Variants in TIGD4 observed in about 807,000 individuals in gnomAD.
The protein encoded by TIGD4 is tigger transposable element-derived protein 4.
TIGD4 carries 20 observed loss-of-function variants against 24.9 expected under a neutral mutation model. That is an observed-to-expected ratio of 0.80 (90% CI 0.56 to 1.17). TIGD4 has a LOEUF of 1.17. TIGD4 is among the 50% of genes most tolerant of loss of function. The probability of loss-of-function intolerance (pLI) is 0.00; values close to 1 mark genes in which losing one functional copy is unlikely to be tolerated. For missense variants in TIGD4, 566 were observed against 591.0 expected, an observed-to-expected ratio of 0.96 and a Z score of 0.44; for synonymous variants, 193 against 211.0, an observed-to-expected ratio of 0.91 and a Z score of 0.74.
At position 152,771,149 on chromosome 4, in the gene TIGD4, G is replaced by A. The variant is rs371678764; in HGVS notation, c.-145C>T. Reference sequence around the variant, plus strand: ...AGTTGGTGTCTAATAGTCTTATTTTGTAGGAACTTGATGACAAAATATGCT... The same window carrying A: ...AGTTGGTGTCTAATAGTCTTATTTTATAGGAACTTGATGACAAAATATGCT... On this transcript the variant is annotated 5_prime_UTR_variant, in exon 2 of 2. Coordinates refer to ENST00000304337, the MANE Select transcript of TIGD4 (RefSeq NM_145720.4). 4.2e-6 allele frequency: 4 copies of A among 943,440 alleles called. No homozygotes were observed. In the African/African-American group the frequency reaches 5.2e-5, roughly 12 times the overall value. 58.4% of individuals were successfully genotyped at this position (943,440 alleles called of 1,614,324 possible).
At position 152,769,409 on chromosome 4, in the gene TIGD4, C is replaced by T; in HGVS notation, c.*57G>A. ...GGTGTGGTACAACTCCTTTACATAC[C>T]TTATATAATAAAATGTATCAGGAAA... On this transcript the variant is annotated 3_prime_UTR_variant, in exon 2 of 2. Coordinates refer to ENST00000304337, the MANE Select transcript of TIGD4 (RefSeq NM_145720.4). The T allele has an allele frequency of 8.0e-7, 1 of 1,250,678 alleles. No individual in the cohort carries two copies. Among genetic ancestry groups the T allele is most frequent in the Non-Finnish European group, 1.1e-6 (1 of 918,964 alleles). 77.5% of individuals were successfully genotyped at this position (1,250,678 alleles called of 1,614,324 possible).
At position 152,771,080 on chromosome 4, in the gene TIGD4, G is replaced by A; in HGVS notation, c.-76C>T. Reference sequence around the variant, plus strand: ...TTTCTTTAATTAAATTTGTTTTCCAGTATAATATAGATTGCTGCTTTCTAT... The same window carrying A: ...TTTCTTTAATTAAATTTGTTTTCCAATATAATATAGATTGCTGCTTTCTAT... On this transcript the variant is annotated 5_prime_UTR_variant, in exon 2 of 2. Transcript: ENST00000304337. The A allele has an allele frequency of 6.8e-7, 1 of 1,474,358 alleles. No individual in the cohort carries two copies. Among genetic ancestry groups the A allele is most frequent in the Non-Finnish European group, 9.0e-7 (1 of 1,113,394 alleles). The allele number at this position is 1,474,358 out of a possible 1,614,324, so 91.3% of individuals were successfully genotyped here.
Position 152,770,788 on chromosome 4 carries a change from CAAATCTTA to C in TIGD4, c.209_216del (p.Leu70ArgfsTer34). The C allele has an allele frequency of 6.2e-7, 1 of 1,611,256 alleles. No homozygotes were observed. The highest frequency in any genetic ancestry group is 2.2e-5 in the East Asian group (1 of 44,868). On this transcript the variant is annotated frameshift_variant, in exon 2 of 2. Coordinates refer to ENST00000304337, the MANE Select transcript of TIGD4 (RefSeq NM_145720.4). LOFTEE classifies it high-confidence loss of function. Reference sequence around the variant, plus strand: ...GTTCTCAGTCTTTTTCTCTTTGGATCAAATCTTAGAGATTCAAAGGCTTCTAGAACTTT... The same window carrying C: ...GTTCTCAGTCTTTTTCTCTTTGGATCGAGATTCAAAGGCTTCTAGAACTTT...
chr4:152,777,682 A>C (rs899190247), intron 1 of TIGD4, among the ~76,000 whole-genome samples: 1 of 151,520 alleles, frequency 6.6e-6, no homozygotes, highest in Non-Finnish European at 1.5e-5. Flanking sequence ...AAAAAGAGGA[A>C]GGAGGGAAAA....
At position 152,776,369 on chromosome 4, in the gene TIGD4, C is replaced by T. The variant is rs536346529; in HGVS notation, c.-539+3113G>A. Among the ~76,000 whole-genome samples the T allele has an allele frequency of 3.9e-5, 6 of 152,188 alleles. No homozygotes were observed. The East Asian group carries it at 1.2e-3, about 29-fold the overall frequency. On this transcript the variant is annotated intron_variant, in intron 1 of 1. Coordinates refer to ENST00000304337, the MANE Select transcript of TIGD4 (RefSeq NM_145720.4). ...TATAGTTAAAAACATTTTTACAACT[C>T]TAATGTTCTACCTTTTTTTTCTTCC... is the stretch of plus-strand genomic sequence containing the variant.
In TIGD4 at chr4:152,770,540, T is replaced by C. The variant is rs1730150591; in HGVS notation, c.465A>G (p.Pro155=). The C allele has an allele frequency of 1.3e-5, 21 of 1,613,026 alleles. No homozygotes were observed. Among genetic ancestry groups the C allele is most frequent in the Non-Finnish European group, 1.8e-5 (21 of 1,179,504 alleles). ...GGTACCAGACAGTCGAAGGGTCTACTGGTACACCTGTAGCTTCTACAGGTT... is the reference window on the plus strand; with the variant it reads ...GGTACCAGACAGTCGAAGGGTCTACCGGTACACCTGTAGCTTCTACAGGTT... ...RAQPVEATGV[P]VDPSTVWYQN... is the part of the protein sequence containing the mutation. Residue 155 remains proline (P), a synonymous_variant, in exon 2 of 2, where the codon CCA becomes CCG. Coordinates refer to ENST00000304337, the MANE Select transcript of TIGD4 (RefSeq NM_145720.4).
At chr4:152,772,366 G>A (rs796966917) in intron 1 of TIGD4, among the ~76,000 whole-genome samples, 20 of 151,912 alleles carry the variant, frequency 1.3e-4, no homozygotes, top group African/African-American at 4.8e-4. Flanking sequence ...AAGGTGCCAG[G>A]CAGTTCTGAA....
At position 152,770,114 on chromosome 4, in the gene TIGD4, C is replaced by A. The variant is rs750543985; in HGVS notation, c.891G>T (p.Lys297Asn). The A allele has an allele frequency of 2.5e-6, 4 of 1,614,038 alleles. No homozygotes were observed. In the East Asian group the frequency reaches 8.9e-5, roughly 36 times the overall value. ...VESFPAHPEV[K>N]NLKSIELAFF... ...ATGCTAACTCAATGGATTTTAGGTTCTTTACCTCTGGATGTGCTGGAAAAG... is the reference window on the plus strand; with the variant it reads ...ATGCTAACTCAATGGATTTTAGGTTATTTACCTCTGGATGTGCTGGAAAAG... Residue 297 changes from lysine to asparagine, a missense_variant, in exon 2 of 2, where the codon AAG becomes AAT. Transcript: ENST00000304337.
chr4:152,770,478 G>A lies in TIGD4; in HGVS notation c.527C>T (p.Pro176Leu). The change falls in exon 2 of 2, where the codon CCT (proline) becomes CTT (leucine). Residue 176 changes from proline (P) to leucine (L), a missense_variant. Transcript: ENST00000304337. ...CTCTTTTATATTAAAAACATTTTTAGGATGATAATCATTTAAATAATAAGG... is the reference window on the plus strand; with the variant it reads ...CTCTTTTATATTAAAAACATTTTTAAGATGATAATCATTTAAATAATAAGG... Reference protein sequence around the residue: ...VLPYYLNDYHPKNVFNIKETG... With the variant: ...VLPYYLNDYHLKNVFNIKETG... The A allele has an allele frequency of 6.2e-7, 1 of 1,609,844 alleles. No homozygotes were observed. Among genetic ancestry groups the A allele is most frequent in the Non-Finnish European group, 8.5e-7 (1 of 1,178,378 alleles).
In TIGD4 at chr4:152,770,249, A is replaced by T. The variant is rs138357980; in HGVS notation, c.756T>A (p.Tyr252Ter). Residue 252 changes from tyrosine to a stop codon, truncating the protein, a stop_gained, in exon 2 of 2, where the codon TAT (tyrosine) becomes TAA (stop). Coordinates refer to ENST00000304337, the MANE Select transcript of TIGD4 (RefSeq NM_145720.4). LOFTEE classifies it high-confidence loss of function. ...FKGLKSLPVC[Y>*]EANRMAWMTS... ...TCATCCATGCCATTCTGTTAGCTTC[A>T]TAACACACAGGCAATGATTTTAAAC... 2 of 1,614,092 alleles carry T rather than the reference A, an allele frequency of 1.2e-6. No homozygotes were observed. The highest frequency in any genetic ancestry group is 1.7e-6 in the Non-Finnish European group (2 of 1,179,958).
chr4:152,774,923 T>C (rs2149806730), intron 1 of TIGD4, among the ~76,000 whole-genome samples: 1 of 152,150 alleles, frequency 6.6e-6, no homozygotes, highest in East Asian at 1.9e-4. Context: ...AAGGATTTTT[T>C]TTTTTTTTTT....
At chr4:152,772,526 A>G (rs894531599) in intron 1 of TIGD4, among the ~76,000 whole-genome samples, 1 of 152,176 alleles carries the variant, frequency 6.6e-6, no homozygotes, top group Admixed American at 6.5e-5. Context: ...GAAAGAGTGT[A>G]AAGCACGTAG....
chr4:152,769,376 G>T lies in TIGD4; in HGVS notation c.*90C>A. The T allele has an allele frequency of 3.3e-6, 3 of 909,372 alleles. No individual in the cohort carries two copies. Among genetic ancestry groups the T allele is most frequent in the Non-Finnish European group, 4.6e-6 (3 of 658,902 alleles). 56.3% of individuals were successfully genotyped at this position (909,372 alleles called of 1,614,324 possible). A position where few individuals can be genotyped will look rare whatever the true frequency, so the allele number is the denominator to read the frequency against. On this transcript the variant is annotated 3_prime_UTR_variant, in exon 2 of 2. Transcript: ENST00000304337. The stretch of plus-strand genomic sequence containing the variant: ...GGATTAGCAGTTTTCCATTTTTTAT[G>T]TTTAAGTGGTGTGGTACAACTCCTT...
rs775951700 is a variant in TIGD4, at chr4:152,770,068, A to G, written c.937T>C (p.Ser313Pro). The change falls in exon 2 of 2, where the codon TCC becomes CCC. Residue 313 changes from serine (S) to proline (P), a missense_variant. By Grantham distance (74) the Ser-to-Pro change is moderately conservative. Transcript: ENST00000304337. The part of the protein sequence containing the change: ...ELAFFPSCLS[S>P]KCIAMKQGVI... ...CCTTGTTTCATAGCTATACATTTGG[A>G]AGATAAACATGATGGAAAGAATGCT... is the stretch of plus-strand genomic sequence containing the variant. 1 of 1,614,014 alleles carries G rather than the reference A, an allele frequency of 6.2e-7. No individual in the cohort carries two copies. Among genetic ancestry groups the G allele is most frequent in the Non-Finnish European group, 8.5e-7 (1 of 1,179,886 alleles).
intron 1 of TIGD4, among the ~76,000 whole-genome samples, chr4:152,779,119 G>T (rs1302932711): frequency 6.6e-6 from 1 of 151,948 alleles, no homozygotes; most frequent in African/African-American, 2.4e-5. Flanking sequence ...GCCCCGTTTA[G>T]GAAACTACGA....
intron 1 of TIGD4, among the ~76,000 whole-genome samples, chr4:152,774,889 C>T (rs1366005281): frequency 1.3e-5 from 2 of 150,530 alleles, no homozygotes; most frequent in East Asian, 1.9e-4. Flanking sequence ...CTGTGTATAA[C>T]GTTTTATCTA....
Position 152,770,711 on chromosome 4 carries a change from A to T in TIGD4, c.294T>A (p.Ala98=). ...CATTAACTGGTACATTTAGACACTG[A>T]GCAATTCGATACCATCTCATTAATG... ...EEALMRWYRI[A]QCLNVPVNGP... Residue 98 remains alanine, a synonymous_variant, in exon 2 of 2, where the codon GCT becomes GCA. Coordinates refer to ENST00000304337, the MANE Select transcript of TIGD4 (RefSeq NM_145720.4). 6.2e-6 allele frequency: 10 copies of T among 1,613,710 alleles called. No individual in the cohort carries two copies. The highest frequency in any genetic ancestry group is 8.5e-6 in the Non-Finnish European group (10 of 1,179,868).
At chr4:152,774,053 C>T (rs547152370) in intron 1 of TIGD4, among the ~76,000 whole-genome samples, 2 of 151,500 alleles carry the variant, frequency 1.3e-5, no homozygotes, top group South Asian at 4.2e-4. Flanking sequence ...CCTCCCTCTC[C>T]CAATCCCTCC....
chr4:152,769,526 G>A lies in TIGD4; in HGVS notation c.1479C>T (p.Asp493=), dbSNP rs111456531. ...KKFLRSQDMN[D]GLQNSLADLE... is the part of the protein sequence containing the mutation. ...GGTCTGCTAAAGAATTTTGAAGTCC[G>A]TCATTCATATCTTGACTTCTGAGAA... is the stretch of plus-strand genomic sequence containing the variant. The change falls in exon 2 of 2, where the codon GAC becomes GAT. Residue 493 remains aspartate (D), a synonymous_variant. Transcript: ENST00000304337. 6.4e-3 allele frequency: 10,143 copies of A among 1,592,088 alleles called. 57 individuals carry two copies. The highest frequency in any genetic ancestry group is 0.013 in the South Asian group (1,165 of 86,850).
Sources: gnomAD v4.1 joint callset for allele counts (sites outside exome capture counted in the v4.1 genomes callset) on GRCh38, gnomAD v4.1.1 for gene constraint, MANE v1.5 for transcripts, NCBI Gene and HGNC (gene_info 2026-07-23, HGNC 2026-07-21) for gene names.